Variants in CERS6 observed in about 807,000 individuals in gnomAD.
CERS6 encodes the protein ceramide synthase 6, also known as LAG1 homolog, ceramide synthase 6.
Under a neutral mutation model 56.8 loss-of-function variants are expected in CERS6, and 26 were observed. That is an observed-to-expected ratio of 0.46 (90% CI 0.34 to 0.63). The LOEUF (loss-of-function observed/expected upper bound fraction) is 0.63. Ranked by LOEUF, CERS6 falls within the 30% of genes least tolerant of loss-of-function variation. The pLI, the probability that CERS6 is intolerant of heterozygous loss-of-function variation, is 0.01. For synonymous variants in CERS6, 164 were observed against 173.3 expected (o/e 0.95, Z 0.42); for missense variants, 415 against 467.5 (o/e 0.89, Z 1.04).
chr2:168,635,668 A>G (rs917701973), intron 4 of CERS6, among the ~76,000 whole-genome samples: 1 of 152,158 alleles, frequency 6.6e-6, no homozygotes, highest in Non-Finnish European at 1.5e-5. Flanking sequence ...ATTTTATTAC[A>G]TTTTTAAAAC....
At chr2:168,637,677 A>G (rs1684894645) in intron 4 of CERS6, among the ~76,000 whole-genome samples, 1 of 152,180 alleles carries the variant, frequency 6.6e-6, no homozygotes, top group Admixed American at 6.5e-5. Flanking sequence ...TTAAATTATC[A>G]AAGTGACAAA....
rs893817371 is a variant in CERS6 at position 168,630,912 on chromosome 2, TC to T, written c.408-70del. On this transcript the variant is annotated intron_variant, in intron 3 of 9. Coordinates refer to ENST00000305747, the MANE Select transcript of CERS6 (RefSeq NM_203463.3). ...ATTTAATTTAATGAACTCTTTTCCC[TC>T]CCTTACATATTTCAGTATATGCTGT... is the stretch of plus-strand genomic sequence containing the variant. 28 of 648,200 alleles carry T rather than the reference TC, an allele frequency of 4.3e-5. No individual in the cohort carries two copies. The Admixed American group carries it at 5.2e-4, about 12-fold the overall frequency. The allele number at this position is 648,200 out of a possible 1,614,324, so 40.2% of individuals were successfully genotyped here. A position where few individuals can be genotyped will look rare whatever the true frequency, so the allele number is the denominator to read the frequency against.
intron 8 of CERS6, among the ~76,000 whole-genome samples, chr2:168,749,393 G>C (rs1249699458): frequency 6.6e-6 from 1 of 152,206 alleles, no homozygotes; most frequent in African/African-American, 2.4e-5. Flanking sequence ...CATATAGGCA[G>C]GTCCTTTTCC....
intron 4 of CERS6, among the ~76,000 whole-genome samples, chr2:168,637,970 A>C (rs1269894301): frequency 6.6e-6 from 1 of 152,230 alleles, no homozygotes; most frequent in Admixed American, 6.5e-5. Flanking sequence ...CTAGGTCATA[A>C]AAGAACATGA....
chr2:168,460,404 C>T (rs1693758137), intron 1 of CERS6, among the ~76,000 whole-genome samples: 1 of 152,004 alleles, frequency 6.6e-6, no homozygotes, highest in African/African-American at 2.4e-5. Flanking sequence ...CCTGTGTTTC[C>T]CAGGCTTGTC....
chr2:168,760,753 T>TATTTATTTATTTATTTA (rs1386411901), intron 8 of CERS6, among the ~76,000 whole-genome samples: 2 of 151,826 alleles, frequency 1.3e-5, no homozygotes, highest in African/African-American at 4.9e-5. Flanking sequence ...TTTATTTATT[T>TATTTATTTATTTATTTA]ATTTATTTAT....
At chr2:168,606,825 A>G (rs929764270) in intron 3 of CERS6, among the ~76,000 whole-genome samples, 1 of 152,138 alleles carries the variant, frequency 6.6e-6, no homozygotes, top group Non-Finnish European at 1.5e-5. Context: ...TGGTACTGTC[A>G]TTGCAATAGT....
At chr2:168,710,435 T>C (rs1687062021) in intron 6 of CERS6, among the ~76,000 whole-genome samples, 1 of 152,208 alleles carries the variant, frequency 6.6e-6, no homozygotes. Flanking sequence ...AATCTGTGTA[T>C]TAAGCATAGC....
At chr2:168,698,016 G>A (rs1269827501) in intron 6 of CERS6, among the ~76,000 whole-genome samples, 1 of 152,136 alleles carries the variant, frequency 6.6e-6, no homozygotes, top group Non-Finnish European at 1.5e-5. Flanking sequence ...CTGTGGCCAG[G>A]CATGGTGACT....
chr2:168,680,259 C>T (rs1053268927), intron 4 of CERS6, among the ~76,000 whole-genome samples: 9 of 152,108 alleles, frequency 5.9e-5, no homozygotes, highest in African/African-American at 1.4e-4. Flanking sequence ...TAGTCGTGCA[C>T]GGTCACAGTG....
At chr2:168,499,991 G>C (rs1425099012) in intron 1 of CERS6, among the ~76,000 whole-genome samples, 2 of 152,130 alleles carry the variant, frequency 1.3e-5, no homozygotes, top group African/African-American at 4.8e-5. Context: ...TGTCAGAGCA[G>C]CAGTGTGCTA....
At chr2:168,686,798 G>C (rs900344593) in intron 4 of CERS6, among the ~76,000 whole-genome samples, 2 of 152,116 alleles carry the variant, frequency 1.3e-5, no homozygotes, top group African/African-American at 2.4e-5. Context: ...GTTCCTCTCT[G>C]AGACTGTCTA....
Position 168,620,046 on chromosome 2 carries a change from CACACACACACACACACAT to C in CERS6, c.408-10937_408-10920del, listed in dbSNP as rs1406315308. On this transcript the variant is annotated intron_variant, in intron 3 of 9. Coordinates refer to ENST00000305747, the MANE Select transcript of CERS6 (RefSeq NM_203463.3). The stretch of plus-strand genomic sequence containing the variant: ...ACACACACACACACACACACACACA[CACACACACACACACACAT>C]ATTTATATATATATGATCTAATACT... Among the ~76,000 whole-genome samples, 64 of 145,982 alleles carry C rather than the reference CACACACACACACACACAT, an allele frequency of 4.4e-4. 1 individual carries two copies. The highest frequency in any genetic ancestry group is 9.5e-4 in the Admixed American group (14 of 14,690).
chr2:168,653,144 A>G (rs986710445), intron 4 of CERS6, among the ~76,000 whole-genome samples: 11 of 152,210 alleles, frequency 7.2e-5, no homozygotes, highest in African/African-American at 2.4e-4. Flanking sequence ...CAGTATTGTC[A>G]TGAGTATTAA....
chr2:168,764,175 C>T (rs1022314437), intron 8 of CERS6, among the ~76,000 whole-genome samples: 1 of 152,034 alleles, frequency 6.6e-6, no homozygotes, highest in Non-Finnish European at 1.5e-5. Flanking sequence ...TGGAGTCTTG[C>T]TCTGTTGCCC....
intron 8 of CERS6, among the ~76,000 whole-genome samples, chr2:168,763,539 G>A (rs1684641282): frequency 6.6e-6 from 1 of 152,160 alleles, no homozygotes; most frequent in Admixed American, 6.5e-5. Flanking sequence ...TGGGATTACA[G>A]GCGTGAGCCA....
rs1026490572 is a variant in CERS6, at chr2:168,485,725, A to G, written c.170+29107A>G. ...TAATATTCCACCTTATAGATAAACAAGTCACAGTTTATTCACCTATTAAAG... is the reference window on the plus strand; with the variant it reads ...TAATATTCCACCTTATAGATAAACAGGTCACAGTTTATTCACCTATTAAAG... On this transcript the variant is annotated intron_variant, in intron 1 of 9. Transcript: ENST00000305747. Among the ~76,000 whole-genome samples the G allele has an allele frequency of 1.3e-5, 2 of 152,208 alleles. 1 individual carries two copies. Among genetic ancestry groups the G allele is most frequent in the Middle Eastern group, 6.3e-3 (2 of 316 alleles).
At chr2:168,738,252 G>C (rs751066812) in intron 8 of CERS6, among the ~76,000 whole-genome samples, 38 of 152,184 alleles carry the variant, frequency 2.5e-4, no homozygotes, top group Admixed American at 4.6e-4. Context: ...ATTAGCACAG[G>C]GCTTGTTACA....
intron 3 of CERS6, among the ~76,000 whole-genome samples, chr2:168,586,570 A>G (rs1339337833): frequency 9.2e-5 from 14 of 152,196 alleles, no homozygotes; most frequent in Admixed American, 8.5e-4. Flanking sequence ...AAATATTTTA[A>G]CTGTGGAGTT....
Sources: allele counts gnomAD v4.1 joint callset (sites outside exome capture counted in the v4.1 genomes callset), GRCh38; gene constraint gnomAD v4.1.1; transcripts MANE v1.5; gene names NCBI Gene and HGNC (gene_info 2026-07-23, HGNC 2026-07-21).